Variants in PRKCD observed in about 807,000 individuals in gnomAD.
PRKCD encodes the protein protein kinase C delta type.
In PRKCD, 20 loss-of-function variants were observed where a neutral mutation model predicts 82.2. The observed-to-expected ratio is 0.24, with a 90% CI of 0.17 to 0.35. PRKCD has a LOEUF of 0.35. Among genes scored for constraint, PRKCD ranks in the 10% least tolerant of loss-of-function variants. The pLI is 1.00. For synonymous variants in PRKCD, 317 were observed against 337.0 expected (o/e 0.94, Z 0.65); for missense variants, 607 against 899.0 (o/e 0.68, Z 4.15).
chr3:53,183,424 C>T, intron 8 of PRKCD, 28 bp from the exon 9 acceptor site: 2 of 1,613,128 alleles, frequency 1.2e-6, no homozygotes, highest in Non-Finnish European at 1.7e-6. Context: ...GGCACGTGAC[C>T]CTCAGCCTGT....
At chr3:53,175,075 G>A (rs534647851) in intron 2 of PRKCD, among the ~76,000 whole-genome samples, 19 of 152,342 alleles carry the variant, frequency 1.2e-4, no homozygotes, top group African/African-American at 3.1e-4. Context: ...TGGGCAGGCC[G>A]GGGGTAGGGG....
chr3:53,186,730 T>C, intron 14 of PRKCD, 35 bp downstream of exon 14: 1 of 1,566,104 alleles, frequency 6.4e-7, no homozygotes, highest in Non-Finnish European at 8.7e-7. Flanking sequence ...GGGCCCAGTG[T>C]GGAGGAAGGG....
intron 6 of PRKCD, 44 bp downstream of exon 6, chr3:53,181,650 G>A: frequency 6.2e-7 from 1 of 1,612,894 alleles, no homozygotes; most frequent in East Asian, 2.2e-5. Context: ...AGGGTAGTGG[G>A]GGCCGATCCC....
intron 18 of PRKCD, among the ~76,000 whole-genome samples, chr3:53,191,494 G>T (rs1703924831): frequency 6.6e-6 from 1 of 152,216 alleles, no homozygotes; most frequent in African/African-American, 2.4e-5. Flanking sequence ...GATTGTACTT[G>T]CCAGTTCAGT....
chr3:53,183,129 G>A lies in PRKCD; in HGVS notation c.580G>A (p.Ala194Thr), dbSNP rs782475090. ...GCCTGTGCCTCTTCAAGAATGTAAC[G>A]CTGCCATCCACAAGAAATGCATCGA... Reference protein sequence around the residue: ...KQGYKCRQCNAAIHKKCIDKI... With the variant: ...KQGYKCRQCNTAIHKKCIDKI... Residue 194 changes from alanine (A) to threonine (T), a missense_variant, in exon 8 of 19, where the codon GCT becomes ACT. Ala to Thr is a moderately conservative substitution (Grantham distance 58). Transcript: ENST00000330452. 65 of 1,614,060 alleles carry A rather than the reference G, an allele frequency of 4.0e-5. No homozygotes were observed. The highest frequency in any genetic ancestry group is 4.7e-5 in the Non-Finnish European group (56 of 1,180,018).
At chr3:53,163,543 C>T (rs896935178) in intron 1 of PRKCD, among the ~76,000 whole-genome samples, 1 of 152,056 alleles carries the variant, frequency 6.6e-6, no homozygotes, top group Non-Finnish European at 1.5e-5. Context: ...GAGCAAGAGA[C>T]CCAAGCTAGG....
intron 14 of PRKCD, among the ~76,000 whole-genome samples, chr3:53,187,077 G>GTGCGTGCATGCAAACACATATGTA (rs1703730661): frequency 6.6e-6 from 1 of 152,160 alleles, no homozygotes; most frequent in Non-Finnish European, 1.5e-5. Flanking sequence ...GTGTGTGTGT[G>GTGCGTGCATGCAAACACATATGTA]CATGCATGCA....
intron 1 of PRKCD, among the ~76,000 whole-genome samples, chr3:53,164,761 T>C (rs1458871776): frequency 6.6e-6 from 1 of 151,990 alleles, no homozygotes; most frequent in Non-Finnish European, 1.5e-5. Flanking sequence ...GGTGGTACTT[T>C]GTTGCACCCT....
intron 9 of PRKCD, 70 bp downstream of exon 9, chr3:53,183,651 C>T (rs1703554474): frequency 6.3e-7 from 1 of 1,585,676 alleles, no homozygotes; most frequent in Non-Finnish European, 8.6e-7. Flanking sequence ...ATTCCAGCCA[C>T]CTCACGCCAC....
intron 4 of PRKCD, 22 bp from the exon 5 acceptor site, chr3:53,181,185 C>T (rs1703425064): frequency 6.2e-7 from 1 of 1,611,710 alleles, no homozygotes; most frequent in South Asian, 1.1e-5. Flanking sequence ...CTTGTTCTCC[C>T]CTGGCCTCTG....
intron 1 of PRKCD, among the ~76,000 whole-genome samples, chr3:53,161,996 G>GGGCCTCGCCTCCCGCCC (rs1702681562): frequency 6.6e-6 from 1 of 151,400 alleles, no homozygotes; most frequent in Non-Finnish European, 1.5e-5. Context: ...GCCGCCCGCC[G>GGGCCTCGCCTCCCGCCC]GGCCTCGCCT....
In PRKCD at chr3:53,178,531, A is replaced by G. The variant is rs782400893; in HGVS notation, c.109A>G (p.Ser37Gly). The stretch of plus-strand genomic sequence containing the variant: ...TGCCGTGAAGATGAAGGAGGCGCTC[A>G]GCACAGGTAGGCCTGGAGGCTGGAC... ...FCAVKMKEAL[S>G]TERGKTLVQK... The change falls in exon 3 of 19, where the codon AGC (serine) becomes GGC (glycine). Residue 37 changes from serine to glycine, a missense_variant. Transcript: ENST00000330452. 3.1e-6 allele frequency: 5 copies of G among 1,612,288 alleles called. No individual in the cohort carries two copies. The South Asian group carries it at 4.4e-5, about 14-fold the overall frequency.
chr3:53,168,309 G>A (rs1367260911), intron 2 of PRKCD, among the ~76,000 whole-genome samples: 23 of 152,314 alleles, frequency 1.5e-4, no homozygotes, highest in African/African-American at 5.3e-4. Context: ...CCAGGGACAC[G>A]AAGAAGGTCA....
Position 53,189,075 on chromosome 3 carries a change from G to A in PRKCD, c.1572G>A (p.Lys524=). ...ACCGCCAGATCCTACAGGGCCTGAA[G>A]TACACATTCTCTGTGGACTGGTGGT... ...YIAPEILQGL[K]YTFSVDWWSF... is the part of the protein sequence containing the mutation. Residue 524 remains lysine, a synonymous_variant, in exon 17 of 19, where the codon AAG becomes AAA. Transcript: ENST00000330452. 1.9e-6 allele frequency: 3 copies of A among 1,613,634 alleles called. No homozygotes were observed. The highest frequency in any genetic ancestry group is 2.5e-6 in the Non-Finnish European group (3 of 1,179,710).
In PRKCD at chr3:53,185,593, T is replaced by C. The variant is rs1204330583; in HGVS notation, c.889-11T>C. ...TGACCATCTGGCCCCCCACCTCTGC[T>C]CCCTCCCCAGAGAGCCTCCCGGAGA... On this transcript the variant is annotated splice_polypyrimidine_tract_variant and intron_variant, in intron 10 of 18. Transcript: ENST00000330452. The C allele has an allele frequency of 4.3e-6, 7 of 1,612,368 alleles. No individual in the cohort carries two copies. The African/African-American group carries it at 9.4e-5, about 22-fold the overall frequency.
In PRKCD at chr3:53,192,382, G is replaced by C; in HGVS notation, c.*116G>C. On this transcript the variant is annotated 3_prime_UTR_variant, in exon 19 of 19. Transcript: ENST00000330452. The stretch of plus-strand genomic sequence containing the variant: ...TGCTGGCCCCGCCCCTGCCCCCAGA[G>C]CGTCCTTGGCTGCCGTCTGGCCGGG... The C allele has an allele frequency of 7.8e-7, 1 of 1,286,870 alleles. No homozygotes were observed. 79.7% of individuals were successfully genotyped at this position (1,286,870 alleles called of 1,614,324 possible).
intron 4 of PRKCD, among the ~76,000 whole-genome samples, chr3:53,180,435 C>CA (rs1260581286): frequency 6.6e-6 from 1 of 152,218 alleles, no homozygotes; most frequent in Non-Finnish European, 1.5e-5. Context: ...GGCCACTTGG[C>CA]CATGTGCAGC....
At chr3:53,162,881 C>T (rs1553663280) in intron 1 of PRKCD, among the ~76,000 whole-genome samples, 2 of 151,950 alleles carry the variant, frequency 1.3e-5, no homozygotes, top group African/African-American at 4.8e-5. Context: ...GTGAGTGTAT[C>T]TGTATAAGTG....
At chr3:53,162,062 C>T (rs1553663092) in intron 1 of PRKCD, among the ~76,000 whole-genome samples, 1 of 151,982 alleles carries the variant, frequency 6.6e-6, no homozygotes, top group African/African-American at 2.4e-5. Context: ...CTCGCTGTCT[C>T]TTCTTTCGGT....
Sources: gnomAD v4.1 joint callset for allele counts (sites outside exome capture counted in the v4.1 genomes callset) on GRCh38, gnomAD v4.1.1 for gene constraint, MANE v1.5 for transcripts, NCBI Gene and HGNC (gene_info 2026-07-23, HGNC 2026-07-21) for gene names.